The following SLC24A2 variants were observed in gnomAD, a reference collection of about 807,000 sequenced individuals.
SLC24A2 encodes the protein solute carrier family 24 member 2, also known as sodium/potassium/calcium exchanger 2.
A neutral mutation model predicts 62.0 loss-of-function variants in SLC24A2; 36 were observed. The observed-to-expected ratio is 0.58, with a 90% confidence interval of 0.44 to 0.77. The LOEUF (loss-of-function observed/expected upper bound fraction) is 0.77, where lower values mean the gene tolerates loss of function less well. Among genes scored for constraint, SLC24A2 ranks in the 30% least tolerant of loss-of-function variants. SLC24A2 has a pLI of 0.00. For missense variants in SLC24A2, 846 were observed against 817.9 expected (o/e 1.03, Z -0.42); for synonymous variants, 358 against 294.0 (o/e 1.22, Z -2.23).
intron 7 of SLC24A2, among the ~76,000 whole-genome samples, chr9:19,571,823 C>G (rs142604648): frequency 1.3e-5 from 2 of 152,290 alleles, no homozygotes; most frequent in African/African-American, 4.8e-5. Context: ...AAAGGTGGTT[C>G]TGCCTACATT....
At chr9:19,707,618 G>C (rs1185667338) in intron 2 of SLC24A2, among the ~76,000 whole-genome samples, 1 of 152,184 alleles carries the variant, frequency 6.6e-6, no homozygotes, top group Non-Finnish European at 1.5e-5. Context: ...ATCAATAAAT[G>C]TAATCCAGCA....
At chr9:19,863,931 A>T in the SLC24A2 span, among the ~76,000 whole-genome samples, 13 of 151,952 alleles carry the variant, frequency 8.6e-5, no homozygotes, top group African/African-American at 2.9e-4. Context: ...AACAAAATTG[A>T]CAGACTTTAG....
chr9:19,930,686 T>C, the SLC24A2 span, among the ~76,000 whole-genome samples: 1 of 152,202 alleles, frequency 6.6e-6, no homozygotes, highest in Non-Finnish European at 1.5e-5. Context: ...AAAGGTATTA[T>C]AATTTCAGGA....
At chr9:19,517,583 C>G (rs1482709179) in intron 10 of SLC24A2, among the ~76,000 whole-genome samples, 1 of 152,040 alleles carries the variant, frequency 6.6e-6, no homozygotes, top group Non-Finnish European at 1.5e-5. Flanking sequence ...CATATGTTAA[C>G]CTGGGCCAAG....
chr9:19,721,302 G>A (rs552258398), intron 2 of SLC24A2, among the ~76,000 whole-genome samples: 79 of 152,192 alleles, frequency 5.2e-4, no homozygotes, highest in African/African-American at 1.9e-3. Flanking sequence ...GATTTCAGCT[G>A]GATTTCAGTT....
At chr9:19,752,967 T>A (rs1822029719) in intron 2 of SLC24A2, among the ~76,000 whole-genome samples, 1 of 152,112 alleles carries the variant, frequency 6.6e-6, no homozygotes, top group South Asian at 2.1e-4. Context: ...GCAGACAAAA[T>A]GAGGACAAAT....
chr9:20,131,354 G>A, the SLC24A2 span, among the ~76,000 whole-genome samples: 1 of 152,098 alleles, frequency 6.6e-6, no homozygotes, highest in African/African-American at 2.4e-5. Flanking sequence ...TGGACAAGAG[G>A]CAGATGAAGT....
At chr9:19,794,149 T>C in the SLC24A2 span, among the ~76,000 whole-genome samples, 1 of 152,222 alleles carries the variant, frequency 6.6e-6, no homozygotes, top group African/African-American at 2.4e-5. Flanking sequence ...CCTACATGAT[T>C]GCTCTTTCTT....
At chr9:20,296,751 G>C in the SLC24A2 span, among the ~76,000 whole-genome samples, 3 of 152,200 alleles carry the variant, frequency 2.0e-5, no homozygotes, top group Admixed American at 6.5e-5. Context: ...ATAAAGCTGG[G>C]TGTACAGAAT....
At chr9:20,229,707 T>C in the SLC24A2 span, among the ~76,000 whole-genome samples, 1 of 152,096 alleles carries the variant, frequency 6.6e-6, no homozygotes, top group East Asian at 1.9e-4. Flanking sequence ...ATATTTTGTG[T>C]GATTATTTTT....
the SLC24A2 span, among the ~76,000 whole-genome samples, chr9:20,245,936 T>C: frequency 2.0e-5 from 3 of 152,154 alleles, no homozygotes; most frequent in African/African-American, 4.8e-5. Context: ...CAAGGAGAAA[T>C]TTAGTGAATA....
the SLC24A2 span, among the ~76,000 whole-genome samples, chr9:20,037,993 T>A: frequency 6.6e-6 from 1 of 152,206 alleles, no homozygotes; most frequent in African/African-American, 2.4e-5. Flanking sequence ...TCAAAAAACA[T>A]CAGAATTGGG....
chr9:19,616,329 T>C (rs528542771), intron 4 of SLC24A2, among the ~76,000 whole-genome samples: 6 of 152,216 alleles, frequency 3.9e-5, no homozygotes, highest in Non-Finnish European at 8.8e-5. Flanking sequence ...AATAACACTA[T>C]GATGCAGACA....
the SLC24A2 span, among the ~76,000 whole-genome samples, chr9:19,872,659 T>G: frequency 6.6e-6 from 1 of 152,160 alleles, no homozygotes; most frequent in East Asian, 1.9e-4. Flanking sequence ...ATGTAGACAT[T>G]TGGGCGGTAG....
intron 2 of SLC24A2, among the ~76,000 whole-genome samples, chr9:19,690,960 T>C (rs1444433170): frequency 6.6e-6 from 1 of 151,810 alleles, no homozygotes; most frequent in Admixed American, 6.6e-5. Context: ...AGAGAGAGAA[T>C]GTGTATTGGC....
intron 4 of SLC24A2, among the ~76,000 whole-genome samples, chr9:19,619,064 C>G (rs1817841729): frequency 6.6e-6 from 1 of 152,074 alleles, no homozygotes; most frequent in Non-Finnish European, 1.5e-5. Context: ...AAAGACAGGG[C>G]TTTTTAGATG....
intron 2 of SLC24A2, among the ~76,000 whole-genome samples, chr9:19,728,531 A>C (rs1364590267): frequency 6.6e-6 from 1 of 152,180 alleles, no homozygotes. Context: ...CTGCTTTGCT[A>C]TAATGAAAAA....
At chr9:20,010,726 A>T in the SLC24A2 span, among the ~76,000 whole-genome samples, 1 of 151,452 alleles carries the variant, frequency 6.6e-6, no homozygotes, top group Admixed American at 6.6e-5. Flanking sequence ...CGTCATTTAC[A>T]TTAGGTATAT....
At chr9:19,895,770 A>C in the SLC24A2 span, 2 of 1,564,038 alleles carry the variant, frequency 1.3e-6, no homozygotes, top group African/African-American at 2.7e-5. Context: ...CCCACCCTCC[A>C]TCTCCTCATG....
Sources: allele counts gnomAD v4.1 joint callset (sites outside exome capture counted in the v4.1 genomes callset), GRCh38; gene constraint gnomAD v4.1.1; transcripts MANE v1.5; gene names NCBI Gene and HGNC (gene_info 2026-07-23, HGNC 2026-07-21).